Variants in GPHN observed in about 807,000 individuals in gnomAD.
GPHN encodes gephyrin.
GPHN carries 17 observed loss-of-function variants against 95.5 expected under a neutral mutation model. That is an observed-to-expected ratio of 0.18 (90% CI 0.12 to 0.27). GPHN has a LOEUF of 0.27. GPHN is among the 10% of genes least tolerant of loss of function. The probability of loss-of-function intolerance (pLI) is 1.00; values close to 1 mark genes in which losing one functional copy is unlikely to be tolerated. For missense variants in GPHN, 660 were observed against 978.1 expected (o/e 0.67, Z 4.34); for synonymous variants, 320 against 322.5 (o/e 0.99, Z 0.08).
intron 3 of GPHN, among the ~76,000 whole-genome samples, chr14:66,814,574 A>G (rs1428599306): frequency 6.6e-6 from 1 of 152,198 alleles, no homozygotes; most frequent in African/African-American, 2.4e-5. Context: ...CAAAAACAAG[A>G]TTGGATTCTT....
the GPHN span, among the ~76,000 whole-genome samples, chr14:67,410,560 G>A: frequency 6.6e-6 from 1 of 152,156 alleles, no homozygotes; most frequent in Non-Finnish European, 1.5e-5. Context: ...CCTTGATCTG[G>A]CATCAGCTTC....
the GPHN span, among the ~76,000 whole-genome samples, chr14:67,401,571 A>G: frequency 6.6e-6 from 1 of 152,128 alleles, no homozygotes; most frequent in Non-Finnish European, 1.5e-5. Flanking sequence ...CAGCTCACAC[A>G]GAGGAAAGAC....
intron 17 of GPHN, among the ~76,000 whole-genome samples, chr14:67,141,269 G>C (rs1019977668): frequency 6.6e-6 from 1 of 152,276 alleles, no homozygotes. Context: ...ATTCAGGTTG[G>C]AACCAGGCCT....
At chr14:66,846,679 T>A (rs2062353396) in intron 4 of GPHN, among the ~76,000 whole-genome samples, 1 of 152,138 alleles carries the variant, frequency 6.6e-6, no homozygotes, top group Non-Finnish European at 1.5e-5. Flanking sequence ...TCTCTTTAAT[T>A]TTAAAGCCTA....
the GPHN span, among the ~76,000 whole-genome samples, chr14:67,719,926 C>T: frequency 1.3e-5 from 2 of 152,096 alleles, no homozygotes; most frequent in African/African-American, 4.8e-5. Context: ...ATATACAATG[C>T]TATAATGGTA....
At chr14:67,548,638 G>A in the GPHN span, among the ~76,000 whole-genome samples, 4 of 152,250 alleles carry the variant, frequency 2.6e-5, no homozygotes, top group Non-Finnish European at 5.9e-5. Flanking sequence ...CAGAGGTTGC[G>A]GTGAGCCAAG....
intron 3 of GPHN, among the ~76,000 whole-genome samples, chr14:66,787,053 G>C (rs2059802394): frequency 6.6e-6 from 1 of 152,080 alleles, no homozygotes. Context: ...AAACCACATA[G>C]ATTAGAAAGT....
the GPHN span, among the ~76,000 whole-genome samples, chr14:67,299,739 T>C: frequency 5.9e-5 from 9 of 152,176 alleles, no homozygotes; most frequent in Non-Finnish European, 8.8e-5. Context: ...AGTTCTAAAT[T>C]TCTTTAGAAG....
At chr14:67,571,462 GC>G in the GPHN span, 2 of 338,906 alleles carry the variant, frequency 5.9e-6, no homozygotes, top group Non-Finnish European at 1.1e-5. Flanking sequence ...TAGCTTTCTG[GC>G]CCCCTAGTGG....
chr14:67,178,180 A>G (rs763058791), intron 21 of GPHN, among the ~76,000 whole-genome samples: 1 of 151,994 alleles, frequency 6.6e-6, no homozygotes, highest in African/African-American at 2.4e-5. Flanking sequence ...AATTTGGCAT[A>G]TTTTTGCAGT....
chr14:67,155,316 T>C (rs1172411576), intron 18 of GPHN, among the ~76,000 whole-genome samples: 1 of 152,230 alleles, frequency 6.6e-6, no homozygotes, highest in Non-Finnish European at 1.5e-5. Flanking sequence ...TCAAATTCTT[T>C]TTGGAGGAAT....
chr14:66,974,232 A>G (rs1400279155), intron 9 of GPHN, among the ~76,000 whole-genome samples: 1 of 152,238 alleles, frequency 6.6e-6, no homozygotes. Context: ...TATTTTGATG[A>G]AACTAAAATT....
At chr14:67,159,006 A>G (rs1324869187) in intron 18 of GPHN, among the ~76,000 whole-genome samples, 1 of 152,206 alleles carries the variant, frequency 6.6e-6, no homozygotes, top group Non-Finnish European at 1.5e-5. Flanking sequence ...AACTTAAGAC[A>G]TATTTGTTAA....
At chr14:66,614,756 T>G (rs1419207118) in intron 1 of GPHN, among the ~76,000 whole-genome samples, 1 of 152,120 alleles carries the variant, frequency 6.6e-6, no homozygotes, top group Non-Finnish European at 1.5e-5. Context: ...TCTTTATTTC[T>G]TGTAAAAAAA....
At chr14:66,601,645 G>A (rs2062250211) in intron 1 of GPHN, among the ~76,000 whole-genome samples, 1 of 151,786 alleles carries the variant, frequency 6.6e-6, no homozygotes, top group South Asian at 2.1e-4. Flanking sequence ...ATGTTTTAAT[G>A]TAAATGTATG....
chr14:67,246,953 T>G, the GPHN span, among the ~76,000 whole-genome samples: 1,718 of 152,310 alleles, frequency 0.011, 33 homozygotes, highest in African/African-American at 0.038. Flanking sequence ...CCCAGCCTAC[T>G]ATAGCTTTAA....
chr14:67,338,158 A>G, the GPHN span: 1 of 153,696 alleles, frequency 6.5e-6, no homozygotes, highest in African/African-American at 2.4e-5. Context: ...GGAACCTGTC[A>G]TGCAAGGAAA....
the GPHN span, among the ~76,000 whole-genome samples, chr14:67,529,082 T>A: frequency 6.6e-6 from 1 of 152,242 alleles, no homozygotes; most frequent in Admixed American, 6.5e-5. Flanking sequence ...AGTTCCCTCC[T>A]CATTTCATAA....
chr14:67,210,245 G>T, the GPHN span, among the ~76,000 whole-genome samples: 2 of 152,136 alleles, frequency 1.3e-5, no homozygotes, highest in African/African-American at 4.8e-5. Context: ...TGTCGATTTC[G>T]TGAAACAACA....
Sources: allele counts gnomAD v4.1 joint callset (sites outside exome capture counted in the v4.1 genomes callset), GRCh38; gene constraint gnomAD v4.1.1; transcripts MANE v1.5; gene names NCBI Gene and HGNC (gene_info 2026-07-23, HGNC 2026-07-21).